ATP11C: variants seen among roughly 807,000 people sequenced by gnomAD.
The protein encoded by ATP11C is ATPase phospholipid transporting 11C (ATP11C blood group).
A neutral mutation model predicts 97.4 loss-of-function variants in ATP11C; 36 were observed. The ratio of observed to expected loss-of-function variants is 0.37; its 90% CI spans 0.28 to 0.49. ATP11C has a LOEUF of 0.49. Ranked by LOEUF, ATP11C falls within the 20% of genes least tolerant of loss-of-function variation. The pLI is 0.98. For synonymous variants in ATP11C, 275 were observed against 290.9 expected, an observed-to-expected ratio of 0.95 and a Z score of 0.56; for missense variants, 730 against 824.6, an observed-to-expected ratio of 0.89 and a Z score of 1.40.
intron 25 of ATP11C, among the ~76,000 whole-genome samples, 200 bp from the exon 26 acceptor site, chrX:139,743,824 C>T (rs1165168948): frequency 4.5e-5 from 5 of 111,607 alleles, no homozygotes. Context: ...CAAAAAGGTA[C>T]ACCACACCTG....
intron 1 of ATP11C, among the ~76,000 whole-genome samples, chrX:139,928,206 A>AG (rs981494307): frequency 3.6e-5 from 4 of 111,972 alleles, no homozygotes; most frequent in Non-Finnish European, 7.5e-5. Context: ...AAAAAAAAAA[A>AG]GTTGCTTTTA....
rs750851872 is a variant in ATP11C, at chrX:139,782,515, T to C, written c.1952+32A>G. On this transcript the variant is annotated intron_variant, in intron 18 of 29. Coordinates refer to ENST00000682941, the MANE Select transcript of ATP11C (RefSeq NM_001353812.2). ...CAGATCACACCCAAAACACTGGTCA[T>C]TAAAATAATAAGAGTATCATTTTCT... The C allele has an allele frequency of 9.2e-6, 10 of 1,081,764 alleles. No homozygotes were observed. In the East Asian group the frequency reaches 2.4e-4, roughly 26 times the overall value. 89.1% of individuals were successfully genotyped at this position (1,081,764 alleles called of 1,213,427 possible). A position where few individuals can be genotyped will look rare whatever the true frequency, so the allele number is the denominator to read the frequency against.
chrX:139,863,932 C>T (rs1422676629), intron 1 of ATP11C, among the ~76,000 whole-genome samples: 2 of 109,388 alleles, frequency 1.8e-5, no homozygotes, highest in East Asian at 2.9e-4. Flanking sequence ...CGTGGTGGTG[C>T]GTGCCTGTAG....
At chrX:139,759,153 A>G (rs1232983391) in intron 22 of ATP11C, among the ~76,000 whole-genome samples, 2 of 111,748 alleles carry the variant, frequency 1.8e-5, no homozygotes, top group African/African-American at 3.3e-5. Context: ...GGTAGAGCTC[A>G]GTGGGGATCA....
At chrX:139,866,215 G>A (rs1424905982) in intron 1 of ATP11C, among the ~76,000 whole-genome samples, 3 of 108,036 alleles carry the variant, frequency 2.8e-5, no homozygotes, top group East Asian at 2.9e-4. Context: ...GTGGTGATGC[G>A]CGCCTGTAAT....
intron 1 of ATP11C, among the ~76,000 whole-genome samples, chrX:139,913,101 C>T (rs1273369880): frequency 3.6e-5 from 4 of 111,753 alleles, no homozygotes; most frequent in Non-Finnish European, 7.5e-5. Flanking sequence ...TAGCAGCTGT[C>T]ACTCAGCCTG....
Position 139,798,708 on chromosome X carries a change from G to C in ATP11C, c.746C>G (p.Ala249Gly). The C allele has an allele frequency of 1.7e-6, 2 of 1,205,272 alleles. No individual in the cohort carries two copies. Among genetic ancestry groups the C allele is most frequent in the Non-Finnish European group, 2.2e-6 (2 of 891,549 alleles). The change falls in exon 9 of 30, where the codon GCT becomes GGT. Residue 249 changes from alanine to glycine, a missense_variant. Physicochemically the swap from Ala to Gly is moderately conservative, Grantham distance 60. Transcript: ENST00000682941. ...TATCTTCTCGGTATTTTTTAGCGTA[G>C]CTCCTTTCAGCAAGAGATTTTCAGG... is the stretch of plus-strand genomic sequence containing the variant. Reference protein sequence around the residue: ...LGPENLLLKGATLKNTEKIYG... With the variant: ...LGPENLLLKGGTLKNTEKIYG...
chrX:139,880,976 A>G (rs2485721), intron 1 of ATP11C, among the ~76,000 whole-genome samples: 20,379 of 111,273 alleles, frequency 0.18, 3,116 homozygotes, highest in African/African-American at 0.5. Context: ...GCCCAGGTCC[A>G]TAGAGTTGGG....
At position 139,822,399 on chromosome X, in the gene ATP11C, TTTTG is replaced by T. The variant is rs199924938; in HGVS notation, c.148-2976_148-2973del. On this transcript the variant is annotated intron_variant, in intron 2 of 29. Transcript: ENST00000682941. Reference sequence around the variant, plus strand: ...GTGTGGTTTTTGTTTTTTGGGTTTTTTTTGTTTGTTTGTTTGTTTGTTTGTTTTT... The same window carrying T: ...GTGTGGTTTTTGTTTTTTGGGTTTTTTTTGTTTGTTTGTTTGTTTGTTTTT... 1.3e-3 allele frequency among the ~76,000 whole-genome samples: 135 copies of T among 104,714 alleles called. 2 individuals are homozygous for T. Among genetic ancestry groups the T allele is most frequent in the Middle Eastern group, 4.8e-3 (1 of 210 alleles). 90.9% of individuals were successfully genotyped at this position (104,714 alleles called of 115,157 possible). A position where few individuals can be genotyped will look rare whatever the true frequency, so the allele number is the denominator to read the frequency against.
chrX:139,736,980 A>C (rs185534642), intron 28 of ATP11C, among the ~76,000 whole-genome samples: 3 of 111,574 alleles, frequency 2.7e-5, no homozygotes, highest in African/African-American at 9.7e-5. Context: ...GCAAAAACAA[A>C]ATCATGATGT....
chrX:139,808,981 C>T (rs771713200), intron 5 of ATP11C, among the ~76,000 whole-genome samples: 3 of 110,326 alleles, frequency 2.7e-5, no homozygotes, highest in African/African-American at 3.3e-5. Flanking sequence ...GGTGCGGTGC[C>T]ACATGCCTGT....
At chrX:139,810,868 T>G (rs1426904585) in intron 5 of ATP11C, among the ~76,000 whole-genome samples, 1 of 88,037 alleles carries the variant, frequency 1.1e-5, no homozygotes, top group Non-Finnish European at 2.1e-5. Context: ...AAATTCAGAG[T>G]TTTTTTTTTT....
At chrX:139,852,724 C>G (rs1438266780) in intron 1 of ATP11C, among the ~76,000 whole-genome samples, 1 of 110,026 alleles carries the variant, frequency 9.1e-6, no homozygotes, top group Non-Finnish European at 1.9e-5. Context: ...ATAGCTACCT[C>G]ATATGGCTTA....
At chrX:139,854,052 T>C (rs1603402159) in intron 1 of ATP11C, among the ~76,000 whole-genome samples, 2 of 111,242 alleles carry the variant, frequency 1.8e-5, no homozygotes, top group South Asian at 7.6e-4. Flanking sequence ...AATAGATGGT[T>C]CCTCCCAGGT....
chrX:139,893,559 T>C lies in ATP11C; in HGVS notation c.27+38457A>G, dbSNP rs551902599. Reference sequence around the variant, plus strand: ...ATCAGATTCCTCTTACATTTTTATCTAATGTACCTTATCATGAGCATAACA... The same window carrying C: ...ATCAGATTCCTCTTACATTTTTATCCAATGTACCTTATCATGAGCATAACA... On this transcript the variant is annotated intron_variant, in intron 1 of 29. Coordinates refer to ENST00000682941, the MANE Select transcript of ATP11C (RefSeq NM_001353812.2). Among the ~76,000 whole-genome samples, 12 of 111,853 alleles carry C rather than the reference T, an allele frequency of 1.1e-4. No homozygotes were observed. In the East Asian group the frequency reaches 3.1e-3, roughly 29 times the overall value.
chrX:139,929,961 C>G (rs1003408973), intron 1 of ATP11C, among the ~76,000 whole-genome samples: 1 of 111,314 alleles, frequency 9.0e-6, no homozygotes, highest in African/African-American at 3.3e-5. Context: ...CAACGGTATG[C>G]AGATTAATTC....
rs77742587 is a variant in ATP11C at position 139,866,848 on chromosome X, C to T, written c.28-40025G>A. On this transcript the variant is annotated intron_variant, in intron 1 of 29. Transcript: ENST00000682941. ...CTATAAATCCAACACTTTGGGAGGC[C>T]GAGACAAGCAGATTGCTTGAGCTCA... 4.8e-3 allele frequency among the ~76,000 whole-genome samples: 534 copies of T among 111,386 alleles called. 5 individuals are homozygous for T. Among genetic ancestry groups the T allele is most frequent in the African/African-American group, 0.016 (492 of 30,622 alleles).
chrX:139,799,821 T>C (rs1318298583), intron 8 of ATP11C, among the ~76,000 whole-genome samples: 1 of 108,377 alleles, frequency 9.2e-6, no homozygotes, highest in Non-Finnish European at 1.9e-5. Flanking sequence ...CCCAGCTAAA[T>C]TTGTATTTTT....
chrX:139,893,687 C>T (rs916496075), intron 1 of ATP11C, among the ~76,000 whole-genome samples: 4 of 108,440 alleles, frequency 3.7e-5, no homozygotes, highest in Non-Finnish European at 5.7e-5. Flanking sequence ...CCTTTTTACT[C>T]TCACTGTACA....
Sources: allele counts gnomAD v4.1 joint callset (sites outside exome capture counted in the v4.1 genomes callset), GRCh38; gene constraint gnomAD v4.1.1; transcripts MANE v1.5; gene names NCBI Gene and HGNC (gene_info 2026-07-23, HGNC 2026-07-21).